NRXN3: variants seen among roughly 807,000 people sequenced by gnomAD.
NRXN3 encodes neurexin III.
A neutral mutation model predicts 137.6 loss-of-function variants in NRXN3; 32 were observed. The ratio of observed to expected loss-of-function variants is 0.23; its 90% CI spans 0.18 to 0.31. The LOEUF is 0.31. NRXN3 is among the 10% of genes least tolerant of loss of function. The probability of loss-of-function intolerance (pLI) is 1.00; values close to 1 mark genes in which losing one functional copy is unlikely to be tolerated. For synonymous variants in NRXN3, 798 were observed against 784.5 expected, an observed-to-expected ratio of 1.02 and a Z score of -0.29; for missense variants, 1,574 against 2,062.5, an observed-to-expected ratio of 0.76 and a Z score of 4.59.
At chr14:79,838,179 C>T (rs2099348304) in intron 20 of NRXN3, among the ~76,000 whole-genome samples, 1 of 152,128 alleles carries the variant, frequency 6.6e-6, no homozygotes, top group South Asian at 2.1e-4. Flanking sequence ...AGTACTAAGT[C>T]TCAACTTTCA....
chr14:78,253,766 C>T (rs1471749308), intron 2 of NRXN3, among the ~76,000 whole-genome samples: 2 of 152,304 alleles, frequency 1.3e-5, no homozygotes, highest in East Asian at 3.9e-4. Flanking sequence ...TCATCCTCCT[C>T]TGCACTATAT....
rs919655328 is a variant in NRXN3, at chr14:79,804,041, A to G, written c.4015-1071A>G. 2.6e-5 allele frequency among the ~76,000 whole-genome samples: 4 copies of G among 151,062 alleles called. No individual in the cohort carries two copies. In the Admixed American group the frequency reaches 2.7e-4, roughly 10 times the overall value. ...TCTAGGACAGCATCTGGCTTGTAGT[A>G]ATTGCTCAATAGAAGGGGAGTGGTT... On this transcript the variant is annotated intron_variant, in intron 19 of 20. Transcript: ENST00000335750.
At chr14:79,270,482 C>T (rs572600466) in intron 15 of NRXN3, among the ~76,000 whole-genome samples, 1 of 152,276 alleles carries the variant, frequency 6.6e-6, no homozygotes, top group South Asian at 2.1e-4. Context: ...GGCTAGGTAA[C>T]TTGTCCAAGG....
intron 19 of NRXN3, among the ~76,000 whole-genome samples, chr14:79,794,147 G>A (rs1178307927): frequency 6.6e-6 from 1 of 152,044 alleles, no homozygotes; most frequent in African/African-American, 2.4e-5. Context: ...GGTGAATTAC[G>A]AGGTCAGGAG....
chr14:79,099,632 T>A (rs1212734514), intron 15 of NRXN3, among the ~76,000 whole-genome samples: 3 of 152,220 alleles, frequency 2.0e-5, no homozygotes, highest in African/African-American at 7.2e-5. Flanking sequence ...TGAAACTTTT[T>A]CATGTATAAT....
intron 15 of NRXN3, among the ~76,000 whole-genome samples, chr14:79,182,912 CATT>C (rs1440741799): frequency 6.6e-6 from 1 of 151,920 alleles, no homozygotes; most frequent in Non-Finnish European, 1.5e-5. Flanking sequence ...AAAATTATAT[CATT>C]GATTAAATCA....
intron 16 of NRXN3, among the ~76,000 whole-genome samples, chr14:79,513,103 C>G (rs1198140565): frequency 5.9e-5 from 9 of 152,062 alleles, no homozygotes; most frequent in Non-Finnish European, 1.2e-4. Context: ...GGGTATAACC[C>G]CATAAGGATG....
chr14:78,482,175 A>G (rs1006335570), intron 4 of NRXN3, among the ~76,000 whole-genome samples: 1 of 152,218 alleles, frequency 6.6e-6, no homozygotes, highest in Non-Finnish European at 1.5e-5. Flanking sequence ...CTCAAACTCC[A>G]AAGCCCACAT....
intron 16 of NRXN3, among the ~76,000 whole-genome samples, chr14:79,600,915 A>G (rs997521393): frequency 2.0e-5 from 3 of 152,016 alleles, no homozygotes; most frequent in Admixed American, 2.0e-4. Flanking sequence ...AAGGGATGGT[A>G]TGAAAGGAAG....
chr14:79,679,223 A>T (rs533941674), intron 17 of NRXN3, among the ~76,000 whole-genome samples: 1 of 152,254 alleles, frequency 6.6e-6, no homozygotes, highest in African/African-American at 2.4e-5. Context: ...CATTTGGGAT[A>T]TTTATAAAAT....
chr14:79,270,466 T>C (rs1477507836), intron 15 of NRXN3, among the ~76,000 whole-genome samples: 1 of 152,168 alleles, frequency 6.6e-6, no homozygotes, highest in Non-Finnish European at 1.5e-5. Context: ...AAAAAGAGTT[T>C]TCGGAGGCTA....
intron 16 of NRXN3, among the ~76,000 whole-genome samples, chr14:79,544,101 A>G (rs556051248): frequency 6.6e-6 from 1 of 152,318 alleles, no homozygotes; most frequent in South Asian, 2.1e-4. Flanking sequence ...AAATAAAAAT[A>G]AAAATACTTC....
chr14:79,740,608 G>A (rs951364073), intron 19 of NRXN3, among the ~76,000 whole-genome samples: 2 of 149,554 alleles, frequency 1.3e-5, no homozygotes, highest in Non-Finnish European at 3.0e-5. Context: ...TACATCTATT[G>A]TCCATCAGCC....
At chr14:78,331,355 A>G (rs1310879994) in intron 4 of NRXN3, among the ~76,000 whole-genome samples, 2 of 152,206 alleles carry the variant, frequency 1.3e-5, no homozygotes, top group Non-Finnish European at 2.9e-5. Flanking sequence ...GTTTTAATAA[A>G]AAAAGGAACA....
intron 16 of NRXN3, among the ~76,000 whole-genome samples, chr14:79,570,972 C>T (rs2097594662): frequency 6.6e-6 from 1 of 152,178 alleles, no homozygotes; most frequent in South Asian, 2.1e-4. Context: ...TTTGTGACCT[C>T]ATTTATCCTC....
At position 79,110,061 on chromosome 14, in the gene NRXN3, T is replaced by C. The variant is rs115727643; in HGVS notation, c.3262+121920T>C. On this transcript the variant is annotated intron_variant, in intron 15 of 20. Coordinates refer to ENST00000335750, the MANE Select transcript of NRXN3 (RefSeq NM_001330195.2). ...TTCATTTGTCACTATGTTTTGTTTGTAGGTAGATTCAAAGAATACCATACT... is the reference window on the plus strand; with the variant it reads ...TTCATTTGTCACTATGTTTTGTTTGCAGGTAGATTCAAAGAATACCATACT... Among the ~76,000 whole-genome samples, 393 of 152,322 alleles carry C rather than the reference T, an allele frequency of 2.6e-3. 2 individuals are homozygous for C. Among genetic ancestry groups the C allele is most frequent in the African/African-American group, 9.0e-3 (376 of 41,588 alleles).
At chr14:78,605,374 T>A (rs2152451204) in intron 4 of NRXN3, among the ~76,000 whole-genome samples, 1 of 152,310 alleles carries the variant, frequency 6.6e-6, no homozygotes, top group East Asian at 1.9e-4. Context: ...AGTAAATGAC[T>A]CTGCCCTATA....
chr14:79,595,199 G>A (rs2097848199), intron 16 of NRXN3, among the ~76,000 whole-genome samples: 1 of 152,150 alleles, frequency 6.6e-6, no homozygotes, highest in Non-Finnish European at 1.5e-5. Flanking sequence ...AGTTCTATGA[G>A]AATGGTATTG....
intron 15 of NRXN3, among the ~76,000 whole-genome samples, chr14:79,385,582 G>A (rs751787229): frequency 1.4e-4 from 22 of 152,084 alleles, no homozygotes; most frequent in Non-Finnish European, 1.6e-4. Flanking sequence ...TGGAGGTGGG[G>A]CCTGGTGGGA....
Sources: allele counts gnomAD v4.1 joint callset (sites outside exome capture counted in the v4.1 genomes callset), GRCh38; gene constraint gnomAD v4.1.1; transcripts MANE v1.5; gene names NCBI Gene and HGNC (gene_info 2026-07-23, HGNC 2026-07-21).